Variants in DNAH3 observed in about 807,000 individuals in gnomAD.
DNAH3 encodes the protein axonemal beta dynein heavy chain 3.
Under a neutral mutation model 432.5 loss-of-function variants are expected in DNAH3, and 332 were observed. The ratio of observed to expected loss-of-function variants is 0.77; its 90% CI spans 0.70 to 0.84. DNAH3 has a LOEUF of 0.84. Among genes scored for constraint, DNAH3 ranks in the 40% least tolerant of loss-of-function variants. The pLI, the probability that DNAH3 is intolerant of heterozygous loss-of-function variation, is 0.00. For missense variants in DNAH3, 4,861 were observed against 5,114.0 expected (o/e 0.95, Z 1.51); for synonymous variants, 1,956 against 1,900.2 (o/e 1.03, Z -0.76).
In DNAH3 at chr16:21,068,188, T is replaced by C. The variant is rs531846839; in HGVS notation, c.3382-769A>G. On this transcript the variant is annotated intron_variant, in intron 23 of 61. Coordinates refer to ENST00000261383, the Ensembl canonical transcript of DNAH3. The stretch of plus-strand genomic sequence containing the variant: ...CTCATAAAAGATCCCTCTAGGTGCC[T>C]TGCACGCCCAGTGAACTTACCATCC... 6.6e-5 allele frequency among the ~76,000 whole-genome samples: 10 copies of C among 152,308 alleles called. No individual in the cohort carries two copies. The East Asian group carries it at 9.7e-4, about 15-fold the overall frequency.
chr16:20,946,983 C>T (rs545472388), intron 57 of DNAH3, among the ~76,000 whole-genome samples: 97 of 151,798 alleles, frequency 6.4e-4, no homozygotes, highest in Non-Finnish European at 9.1e-4. Context: ...TGCCATCACA[C>T]CCGGCTAATT....
rs146904506 is a variant in DNAH3, at chr16:21,152,404, G to A, written c.118-6316C>T. On this transcript the variant is annotated intron_variant, in intron 1 of 61. Transcript: ENST00000261383. ...AAACATTCCCGAGTTCCTATGAAAAGCATTGCATAGTGAGAGGTGACAGCG... is the reference window on the plus strand; with the variant it reads ...AAACATTCCCGAGTTCCTATGAAAAACATTGCATAGTGAGAGGTGACAGCG... Among the ~76,000 whole-genome samples the A allele has an allele frequency of 2.2e-3, 336 of 152,296 alleles. 1 individual carries two copies. Among genetic ancestry groups the A allele is most frequent in the Non-Finnish European group, 3.6e-3 (243 of 68,008 alleles).
chr16:21,022,439 A>G (rs1482535536), intron 39 of DNAH3, among the ~76,000 whole-genome samples: 1 of 152,210 alleles, frequency 6.6e-6, no homozygotes, highest in African/African-American at 2.4e-5. Flanking sequence ...GTTTCTATAA[A>G]AAGTATTAGG....
intron 16 of DNAH3, among the ~76,000 whole-genome samples, chr16:21,100,430 T>C (rs1170448039): frequency 1.3e-5 from 2 of 152,222 alleles, no homozygotes; most frequent in Non-Finnish European, 2.9e-5. Context: ...TTTTAGACTC[T>C]GGTCAGTGTT....
At chr16:20,978,553 GA>G (rs2085705076) in intron 50 of DNAH3, among the ~76,000 whole-genome samples, 1 of 151,942 alleles carries the variant, frequency 6.6e-6, no homozygotes, top group African/African-American at 2.4e-5. Flanking sequence ...ATAAAATAAA[GA>G]GACAAAGTCT....
Position 21,086,802 on chromosome 16 carries a change from C to T in DNAH3, c.2877+47G>A, listed in dbSNP as rs759180945. ...CTGCCTTCCCAAGGACAGTCAGGGC[C>T]AGGCCTGGGCTGCGCTGCTTGGGGG... On this transcript the variant is annotated intron_variant, in intron 19 of 61. Coordinates refer to ENST00000261383, the Ensembl canonical transcript of DNAH3. 2.6e-6 allele frequency: 4 copies of T among 1,554,024 alleles called. No homozygotes were observed. In the South Asian group the frequency reaches 3.4e-5, roughly 13 times the overall value.
In DNAH3 at chr16:21,134,354, C is replaced by T. The variant is rs537142676; in HGVS notation, c.987G>A (p.Trp329Ter). The change falls in exon 7 of 62, where the codon TGG becomes TGA. Residue 329 changes from tryptophan to a stop codon, truncating the protein, a stop_gained. Transcript: ENST00000261383. LOFTEE classifies it high-confidence loss of function. ...TCTTGGCGCTCCTGTAGACACTGTG[C>T]CAGGGCACAGGGGCCCGGATCACTC... is the stretch of plus-strand genomic sequence containing the variant. 1 of 1,614,172 alleles carries T rather than the reference C, an allele frequency of 6.2e-7. No homozygotes were observed. Among genetic ancestry groups the T allele is most frequent in the Admixed American group, 1.7e-5 (1 of 60,012 alleles).
intron 40 of DNAH3, among the ~76,000 whole-genome samples, chr16:21,020,581 T>A (rs900358987): frequency 2.0e-5 from 3 of 149,860 alleles, no homozygotes; most frequent in Non-Finnish European, 4.4e-5. Context: ...TTTTGTATTT[T>A]TAGTAGAGAC....
intron 43 of DNAH3, among the ~76,000 whole-genome samples, chr16:20,998,763 A>AGGGG (rs1159615421): frequency 1.5e-4 from 16 of 103,476 alleles, no homozygotes; most frequent in African/African-American, 6.0e-4. Flanking sequence ...AAAAAAAAAA[A>AGGGG]GGGGGGGGCT....
At chr16:21,074,074 T>A (rs2090890624) in intron 21 of DNAH3, among the ~76,000 whole-genome samples, 1 of 152,210 alleles carries the variant, frequency 6.6e-6, no homozygotes, top group Admixed American at 6.5e-5. Context: ...TGTTAATCTG[T>A]CTTTTATTAT....
At chr16:21,017,101 T>C (rs1403923181) in intron 41 of DNAH3, among the ~76,000 whole-genome samples, 2 of 152,166 alleles carry the variant, frequency 1.3e-5, no homozygotes, top group Non-Finnish European at 2.9e-5. Context: ...TGCCCAACAA[T>C]GTGAATGTAC....
chr16:20,979,280 C>G, intron 50 of DNAH3, 50 bp downstream of exon 50: 2 of 1,576,720 alleles, frequency 1.3e-6, no homozygotes, highest in African/African-American at 2.7e-5. Flanking sequence ...CTCGGCACAT[C>G]CACCTCGTCC....
intron 3 of DNAH3, among the ~76,000 whole-genome samples, chr16:21,144,948 T>G (rs1018453084): frequency 6.6e-6 from 1 of 151,212 alleles, no homozygotes. Context: ...TGAAACCCCA[T>G]CTCTACTAAA....
chr16:20,962,936 G>A (rs1344847471), intron 53 of DNAH3, among the ~76,000 whole-genome samples: 1 of 152,170 alleles, frequency 6.6e-6, no homozygotes, highest in Non-Finnish European at 1.5e-5. Context: ...TGGGATTACA[G>A]GCATAAGCCA....
chr16:21,094,565 G>T (rs2091625814), intron 18 of DNAH3, among the ~76,000 whole-genome samples: 1 of 152,068 alleles, frequency 6.6e-6, no homozygotes, highest in Non-Finnish European at 1.5e-5. Context: ...CAGCTAAATG[G>T]GAGGCTGAGG....
chr16:21,047,935 G>A (rs554061277), intron 31 of DNAH3, among the ~76,000 whole-genome samples: 21 of 151,872 alleles, frequency 1.4e-4, no homozygotes, highest in South Asian at 4.2e-4. Flanking sequence ...GTACCCTGCC[G>A]TGTGAGGTGT....
intron 44 of DNAH3, among the ~76,000 whole-genome samples, chr16:20,988,918 G>A (rs1046907927): frequency 6.6e-5 from 10 of 152,062 alleles, no homozygotes; most frequent in South Asian, 4.2e-4. Context: ...CTCTTAAGGC[G>A]GCATGTCTGG....
chr16:21,072,362 T>A (rs8049834), intron 21 of DNAH3, among the ~76,000 whole-genome samples: 36,836 of 152,094 alleles, frequency 0.24, 4,724 homozygotes, highest in East Asian at 0.46. Flanking sequence ...AGTCTTGCTC[T>A]GTTGCCCAGG....
chr16:21,067,800 AGACT>A (rs1567732890), intron 23 of DNAH3, among the ~76,000 whole-genome samples: 8 of 133,964 alleles, frequency 6.0e-5, no homozygotes, highest in African/African-American at 1.4e-4. Context: ...AGAGAGAGAG[AGACT>A]GACTAAGGCA....
Sources: gnomAD v4.1 joint callset for allele counts (sites outside exome capture counted in the v4.1 genomes callset) on GRCh38, gnomAD v4.1.1 for gene constraint, MANE v1.5 for transcripts, NCBI Gene and HGNC (gene_info 2026-07-23, HGNC 2026-07-21) for gene names.